Variants in TBC1D19 observed in about 807,000 individuals in gnomAD.
The protein encoded by TBC1D19 is TBC1 domain family, member 19.
A neutral mutation model predicts 89.0 loss-of-function variants in TBC1D19; 60 were observed. That is an observed-to-expected ratio of 0.67 (90% confidence interval 0.55 to 0.84). The LOEUF is 0.84. Among genes scored for constraint, TBC1D19 ranks in the 40% least tolerant of loss-of-function variants. The pLI is 0.00. For missense variants in TBC1D19, 500 were observed against 610.8 expected, an observed-to-expected ratio of 0.82 and a Z score of 1.91; for synonymous variants, 189 against 199.7, an observed-to-expected ratio of 0.95 and a Z score of 0.45.
chr4:26,699,574 T>G (rs1715131137), intron 13 of TBC1D19, among the ~76,000 whole-genome samples: 1 of 152,164 alleles, frequency 6.6e-6, no homozygotes. Context: ...ATATGTTTAT[T>G]GCGGCACTAT....
intron 11 of TBC1D19, among the ~76,000 whole-genome samples, chr4:26,677,878 C>T (rs1712975960): frequency 6.6e-6 from 1 of 152,184 alleles, no homozygotes; most frequent in Admixed American, 6.5e-5. Context: ...CCTCCTCAGC[C>T]ATGTGGAACC....
chr4:26,587,072 G>A (rs1041224051), intron 1 of TBC1D19, among the ~76,000 whole-genome samples: 6 of 152,052 alleles, frequency 3.9e-5, no homozygotes, highest in Non-Finnish European at 7.4e-5. Flanking sequence ...GTTGAACTTT[G>A]TTAAGTACTT....
At chr4:26,745,571 G>A (rs754408099) in intron 18 of TBC1D19, among the ~76,000 whole-genome samples, 3 of 124,032 alleles carry the variant, frequency 2.4e-5, no homozygotes, top group East Asian at 2.8e-4. Context: ...GCAGTGATGC[G>A]ATCTTGGCTC....
In TBC1D19 at chr4:26,695,643, G is replaced by A. The variant is rs1360573569; in HGVS notation, c.954+7236G>A. Among the ~76,000 whole-genome samples, 6 of 152,324 alleles carry A rather than the reference G, an allele frequency of 3.9e-5. No homozygotes were observed. The East Asian group carries it at 1.2e-3, about 29-fold the overall frequency. On this transcript the variant is annotated intron_variant, in intron 13 of 20. Transcript: ENST00000264866. Reference sequence around the variant, plus strand: ...GTTACCCACAAAGGGAATCCCATCAGCCTAACAGCGGATCTCTCGGCAGAA... The same window carrying A: ...GTTACCCACAAAGGGAATCCCATCAACCTAACAGCGGATCTCTCGGCAGAA...
intron 13 of TBC1D19, 95 bp downstream of exon 13, chr4:26,688,502 TGTAATCCATGGCA>T: frequency 7.6e-7 from 1 of 1,307,510 alleles, no homozygotes; most frequent in Non-Finnish European, 9.8e-7. Context: ...TAAATCTTTT[TGTAATCCATGGCA>T]TGCTTGTCGG....
the TBC1D19 span, among the ~76,000 whole-genome samples, chr4:26,827,547 T>C: frequency 6.6e-6 from 1 of 152,154 alleles, no homozygotes; most frequent in Non-Finnish European, 1.5e-5. Context: ...GAGGTTGCAG[T>C]GAGCCAAGAT....
chr4:26,800,405 T>C, the TBC1D19 span, among the ~76,000 whole-genome samples: 38,369 of 152,194 alleles, frequency 0.25, 5,897 homozygotes, highest in Non-Finnish European at 0.35. Flanking sequence ...CAGTCTATCG[T>C]TGTTGGACAT....
chr4:26,727,665 C>T (rs1331184362), intron 15 of TBC1D19, among the ~76,000 whole-genome samples: 2 of 152,210 alleles, frequency 1.3e-5, no homozygotes, highest in Non-Finnish European at 2.9e-5. Flanking sequence ...GGGTTCGTAA[C>T]TTGCCCAGAG....
intron 7 of TBC1D19, among the ~76,000 whole-genome samples, chr4:26,657,864 T>A (rs570287015): frequency 9.2e-5 from 14 of 152,242 alleles, no homozygotes; most frequent in Non-Finnish European, 1.6e-4. Context: ...TATATGTTTC[T>A]TGGCTGCATA....
chr4:26,690,848 G>T (rs543907002), intron 13 of TBC1D19, among the ~76,000 whole-genome samples: 1 of 152,300 alleles, frequency 6.6e-6, no homozygotes, highest in African/African-American at 2.4e-5. Context: ...ATGGATAAGG[G>T]AGTCATTTTG....
At chr4:26,681,279 C>G (rs1328698389) in intron 11 of TBC1D19, among the ~76,000 whole-genome samples, 1 of 152,000 alleles carries the variant, frequency 6.6e-6, no homozygotes, top group Admixed American at 6.6e-5. Context: ...TGGCTCACAC[C>G]TGTAATCCCA....
chr4:26,682,459 A>G (rs1270134818), intron 11 of TBC1D19, among the ~76,000 whole-genome samples: 6 of 152,354 alleles, frequency 3.9e-5, no homozygotes, highest in Non-Finnish European at 2.9e-5. Flanking sequence ...ATCATATTTC[A>G]GGAAACACAG....
intron 13 of TBC1D19, among the ~76,000 whole-genome samples, chr4:26,690,732 A>C (rs1195074368): frequency 1.3e-5 from 2 of 152,224 alleles, no homozygotes; most frequent in Non-Finnish European, 2.9e-5. Context: ...TCAAAATATT[A>C]CTGCTCATTC....
the TBC1D19 span, among the ~76,000 whole-genome samples, chr4:26,782,870 A>C: frequency 6.6e-6 from 1 of 151,908 alleles, no homozygotes; most frequent in African/African-American, 2.4e-5. Flanking sequence ...GAGAATACAG[A>C]TTGTTTTCTC....
chr4:26,708,526 A>T (rs985398067), intron 13 of TBC1D19, among the ~76,000 whole-genome samples: 1 of 151,760 alleles, frequency 6.6e-6, no homozygotes, highest in Admixed American at 6.6e-5. Context: ...AATTTGGGAA[A>T]TTTTCAGCCA....
rs188425610 is a variant in TBC1D19, at chr4:26,628,912, A to G, written c.294+8224A>G. 1.2e-3 allele frequency among the ~76,000 whole-genome samples: 181 copies of G among 152,174 alleles called. 2 individuals carry two copies. The highest frequency in any genetic ancestry group is 4.3e-3 in the African/African-American group (178 of 41,536). On this transcript the variant is annotated intron_variant, in intron 4 of 20. Coordinates refer to ENST00000264866, the MANE Select transcript of TBC1D19 (RefSeq NM_018317.4). ...ATGCTCATGGGTAGGAAGAATCAAT[A>G]TCATGAAAATGGCCATACTGCCCAA... is the stretch of plus-strand genomic sequence containing the variant.
At chr4:26,712,347 T>G (rs2109247249) in intron 13 of TBC1D19, among the ~76,000 whole-genome samples, 1 of 152,136 alleles carries the variant, frequency 6.6e-6, no homozygotes, top group Middle Eastern at 3.4e-3. Context: ...TTTCTTGCCA[T>G]TTATAGAACC....
intron 18 of TBC1D19, among the ~76,000 whole-genome samples, chr4:26,743,110 T>G (rs1158728235): frequency 6.6e-6 from 1 of 152,066 alleles, no homozygotes; most frequent in Non-Finnish European, 1.5e-5. Flanking sequence ...TCAGCATGAG[T>G]TATAAGTGAA....
At chr4:26,603,050 A>T (rs1378591061) in intron 1 of TBC1D19, among the ~76,000 whole-genome samples, 2 of 152,210 alleles carry the variant, frequency 1.3e-5, no homozygotes, top group Non-Finnish European at 2.9e-5. Flanking sequence ...ATTGTTATTT[A>T]TACTTGGGTC....
Sources: allele counts gnomAD v4.1 joint callset (sites outside exome capture counted in the v4.1 genomes callset), GRCh38; gene constraint gnomAD v4.1.1; transcripts MANE v1.5; gene names NCBI Gene and HGNC (gene_info 2026-07-23, HGNC 2026-07-21).